TLK2: variants seen among roughly 807,000 people sequenced by gnomAD.
TLK2 encodes the protein tousled like kinase 2.
Under a neutral mutation model 117.3 loss-of-function variants are expected in TLK2, and 6 were observed. The ratio of observed to expected loss-of-function variants is 0.05; its 90% CI spans 0.03 to 0.10. TLK2 has a LOEUF of 0.10. Among genes scored for constraint, TLK2 ranks in the 10% least tolerant of loss-of-function variants. The probability of loss-of-function intolerance (pLI) is 1.00; values close to 1 mark genes in which losing one functional copy is unlikely to be tolerated. For synonymous variants in TLK2, 257 were observed against 316.7 expected (o/e 0.81, Z 2.00); for missense variants, 299 against 901.2 (o/e 0.33, Z 8.56).
At chr17:62,526,035 T>G (rs1056170255) in intron 6 of TLK2, among the ~76,000 whole-genome samples, 3 of 152,348 alleles carry the variant, frequency 2.0e-5, no homozygotes, top group African/African-American at 7.2e-5. Context: ...TGTGTCAGTT[T>G]AGGTTGAATC....
At chr17:62,584,465 T>C (rs544106710) in intron 15 of TLK2, among the ~76,000 whole-genome samples, 1 of 152,210 alleles carries the variant, frequency 6.6e-6, no homozygotes, top group East Asian at 1.9e-4. Flanking sequence ...TGTGAAGCCA[T>C]AATGGTATTC....
At chr17:62,487,075 C>G (rs1868771) in intron 2 of TLK2, among the ~76,000 whole-genome samples, 1 of 152,126 alleles carries the variant, frequency 6.6e-6, no homozygotes, top group Non-Finnish European at 1.5e-5. Context: ...AGGCAGATCA[C>G]GAGGTCAGGA....
intron 15 of TLK2, among the ~76,000 whole-genome samples, chr17:62,582,453 A>G (rs1232867996): frequency 6.6e-6 from 1 of 152,062 alleles, no homozygotes; most frequent in African/African-American, 2.4e-5. Flanking sequence ...TTCTTGATTG[A>G]TAGGCTAGAG....
intron 15 of TLK2, among the ~76,000 whole-genome samples, chr17:62,581,643 G>A (rs1201821509): frequency 6.6e-6 from 1 of 151,514 alleles, no homozygotes; most frequent in Non-Finnish European, 1.5e-5. Flanking sequence ...GTTTCATCAT[G>A]TTGCCCAGGC....
chr17:62,604,910 A>G (rs944382269), intron 19 of TLK2, among the ~76,000 whole-genome samples: 1 of 152,092 alleles, frequency 6.6e-6, no homozygotes, highest in African/African-American at 2.4e-5. Flanking sequence ...CTGCATTTGG[A>G]TGAGTTCAAC....
At chr17:62,533,604 G>A (rs1182739885) in intron 6 of TLK2, among the ~76,000 whole-genome samples, 2 of 151,746 alleles carry the variant, frequency 1.3e-5, no homozygotes, top group Non-Finnish European at 2.9e-5. Context: ...AGCTTCCCGA[G>A]TAGCTGGGAC....
intron 19 of TLK2, 66 bp from the exon 20 acceptor site, chr17:62,606,063 CT>C (rs1214174110): frequency 1.1e-4 from 36 of 333,976 alleles, no homozygotes; most frequent in Non-Finnish European, 1.8e-4. Context: ...TTTATTTTGT[CT>C]TTTTGTACAT....
rs111693469 is a variant in TLK2, at chr17:62,580,868, C to T, written c.1368+676C>T. 4.0e-3 allele frequency among the ~76,000 whole-genome samples: 614 copies of T among 152,298 alleles called. 3 individuals are homozygous for T. The highest frequency in any genetic ancestry group is 0.014 in the African/African-American group (590 of 41,572). On this transcript the variant is annotated intron_variant, in intron 15 of 21. Coordinates refer to ENST00000346027, the MANE Select transcript of TLK2 (RefSeq NM_006852.6). ...TGCATAGCTGTCCCTTTCAGAAATA[C>T]AGCTTTCACTGTTAGGATTTATGTT...
chr17:62,486,135 C>G (rs1476300594), intron 2 of TLK2, among the ~76,000 whole-genome samples: 1 of 151,198 alleles, frequency 6.6e-6, no homozygotes, highest in African/African-American at 2.4e-5. Context: ...TTCTTTATGT[C>G]TTGTTGACTT....
intron 2 of TLK2, among the ~76,000 whole-genome samples, chr17:62,516,934 T>C (rs920204375): frequency 2.6e-5 from 4 of 152,192 alleles, no homozygotes; most frequent in Admixed American, 6.5e-5. Context: ...TGAGACCGTC[T>C]CACTCTGTTG....
intron 2 of TLK2, 69 bp from the exon 3 acceptor site, chr17:62,520,704 G>C (rs1025036586): frequency 2.9e-6 from 4 of 1,399,076 alleles, no homozygotes; most frequent in Middle Eastern, 2.3e-4. Context: ...AAATCATCAG[G>C]CTTCTTCTTC....
At chr17:62,535,030 A>G (rs1401991353) in intron 6 of TLK2, among the ~76,000 whole-genome samples, 2 of 151,920 alleles carry the variant, frequency 1.3e-5, no homozygotes, top group Non-Finnish European at 2.9e-5. Context: ...CTTGGATTAC[A>G]GGTGCCCACG....
intron 2 of TLK2, chr17:62,508,296 T>C: frequency 2.5e-6 from 1 of 400,306 alleles, no homozygotes; most frequent in Non-Finnish European, 3.4e-6. Flanking sequence ...AGTAACAGAC[T>C]ATTTTACTAA....
intron 19 of TLK2, among the ~76,000 whole-genome samples, chr17:62,605,349 A>G (rs1477823850): frequency 1.3e-5 from 2 of 152,140 alleles, no homozygotes; most frequent in African/African-American, 4.8e-5. Flanking sequence ...TTGATGCCCT[A>G]TAGGGACATT....
rs77695614 is a variant in TLK2, at chr17:62,552,662, CTT to C, written c.627+280_627+281del. Among the ~76,000 whole-genome samples the C allele has an allele frequency of 2.4e-4, 34 of 139,176 alleles. No homozygotes were observed. The South Asian group carries it at 3.6e-3, about 15-fold the overall frequency. 91.3% of individuals were successfully genotyped at this position (139,176 alleles called of 152,430 possible). On this transcript the variant is annotated intron_variant, in intron 8 of 21. Coordinates refer to ENST00000346027, the MANE Select transcript of TLK2 (RefSeq NM_006852.6). Reference sequence around the variant, plus strand: ...GCATGGTGTTAAGGAAACTGCACACCTTTTTTTTTTTTTTTTCCCTACAGTAT... The same window carrying C: ...GCATGGTGTTAAGGAAACTGCACACCTTTTTTTTTTTTTTCCCTACAGTAT...
chr17:62,575,646 T>A (rs2080724396), intron 12 of TLK2, among the ~76,000 whole-genome samples: 1 of 152,166 alleles, frequency 6.6e-6, no homozygotes, highest in African/African-American at 2.4e-5. Flanking sequence ...TGTTCATCTT[T>A]TTTTCTTTTA....
chr17:62,579,888 C>T (rs1354932105), intron 14 of TLK2, among the ~76,000 whole-genome samples: 3 of 152,186 alleles, frequency 2.0e-5, no homozygotes, highest in African/African-American at 7.2e-5. Flanking sequence ...GAGACCAGCA[C>T]CCAAGTCCTG....
intron 3 of TLK2, among the ~76,000 whole-genome samples, chr17:62,521,067 G>A (rs949363297): frequency 1.1e-4 from 16 of 152,132 alleles, no homozygotes; most frequent in Non-Finnish European, 2.1e-4. Context: ...CTTGGAGGTC[G>A]GAGGATCGTT....
intron 6 of TLK2, among the ~76,000 whole-genome samples, chr17:62,525,028 TC>T (rs1221773248): frequency 6.6e-6 from 1 of 152,184 alleles, no homozygotes; most frequent in African/African-American, 2.4e-5. Context: ...GGTTGAGAAT[TC>T]CTGAGTAAGC....
Sources: allele counts gnomAD v4.1 joint callset (sites outside exome capture counted in the v4.1 genomes callset), GRCh38; gene constraint gnomAD v4.1.1; transcripts MANE v1.5; gene names NCBI Gene and HGNC (gene_info 2026-07-23, HGNC 2026-07-21).